The following SPAG17 variants were observed in gnomAD, a reference collection of about 807,000 sequenced individuals.
SPAG17 encodes sperm-associated antigen 17.
In SPAG17, 169 loss-of-function variants were observed where a neutral mutation model predicts 273.6. The observed-to-expected ratio is 0.62, with a 90% confidence interval of 0.55 to 0.70. SPAG17 has a LOEUF of 0.70. SPAG17 is among the 30% of genes least tolerant of loss of function. SPAG17 has a pLI of 0.00. For synonymous variants in SPAG17, 825 were observed against 873.2 expected, an observed-to-expected ratio of 0.94 and a Z score of 0.97; for missense variants, 2,557 against 2,627.8, an observed-to-expected ratio of 0.97 and a Z score of 0.59.
intron 1 of SPAG17, among the ~76,000 whole-genome samples, chr1:118,163,746 T>A (rs997127604): frequency 3.3e-5 from 5 of 151,312 alleles, no homozygotes; most frequent in African/African-American, 1.2e-4. Context: ...ATAGTCAAAC[T>A]CCCCCAAACA....
chr1:118,098,363 A>G (rs1250111264), intron 6 of SPAG17, among the ~76,000 whole-genome samples: 3 of 152,110 alleles, frequency 2.0e-5, no homozygotes, highest in Non-Finnish European at 4.4e-5. Context: ...TTGTACTTTT[A>G]CTGTAAAATA....
intron 3 of SPAG17, among the ~76,000 whole-genome samples, chr1:118,115,952 G>T (rs181516469): frequency 3.2e-4 from 49 of 152,216 alleles, no homozygotes; most frequent in African/African-American, 8.7e-4. Context: ...TGACACAAAG[G>T]CGCCATATGA....
intron 17 of SPAG17, among the ~76,000 whole-genome samples, chr1:118,070,716 C>A (rs1423364090): frequency 6.6e-6 from 1 of 152,048 alleles, no homozygotes; most frequent in East Asian, 1.9e-4. Flanking sequence ...TATATTTAAC[C>A]TGATAGATAA....
Position 117,994,606 on chromosome 1 carries a change from T to C in SPAG17, c.5054-76A>G, listed in dbSNP as rs188482973. The stretch of plus-strand genomic sequence containing the variant: ...AGAAAATGAAAACGCATTGACTAAA[T>C]TCAACAAGCTCTTTTTGAACAGACT... On this transcript the variant is annotated intron_variant, in intron 34 of 48. Coordinates refer to ENST00000336338, the MANE Select transcript of SPAG17 (RefSeq NM_206996.4). 9.6e-6 allele frequency: 14 copies of C among 1,459,210 alleles called. No homozygotes were observed. The Admixed American group carries it at 2.4e-4, about 25-fold the overall frequency. The allele number at this position is 1,459,210 out of a possible 1,614,324, so 90.4% of individuals were successfully genotyped here.
rs748532365 is a variant in SPAG17 at position 118,099,635 on chromosome 1, T to G, written c.800A>C (p.Gln267Pro). 12 of 1,614,102 alleles carry G rather than the reference T, an allele frequency of 7.4e-6. 1 individual carries two copies. The African/African-American group carries it at 8.0e-5, about 11-fold the overall frequency. ...TGACTGAAGAAGAACTTCCTGCTGC[T>G]GGTTAACTGCTGCCAGGTGTGTCTG... ...PLQTHLAAVN[Q>P]QQEVLLQSED... The change falls in exon 6 of 49, where the codon CAG becomes CCG. Residue 267 changes from glutamine (Q) to proline (P), a missense_variant. Coordinates refer to ENST00000336338, the MANE Select transcript of SPAG17 (RefSeq NM_206996.4).
At chr1:118,050,624 G>A (rs1327583083) in intron 20 of SPAG17, among the ~76,000 whole-genome samples, 1 of 152,180 alleles carries the variant, frequency 6.6e-6, no homozygotes, top group Non-Finnish European at 1.5e-5. Flanking sequence ...CAGCATAGAT[G>A]CCAAGAACAC....
intron 29 of SPAG17, among the ~76,000 whole-genome samples, chr1:118,013,145 G>A (rs528191486): frequency 6.6e-6 from 1 of 152,316 alleles, no homozygotes. Flanking sequence ...AGCTCAACCT[G>A]CAACTGCAGT....
chr1:117,979,566 T>C (rs1187338002), intron 43 of SPAG17, among the ~76,000 whole-genome samples: 1 of 152,160 alleles, frequency 6.6e-6, no homozygotes, highest in Non-Finnish European at 1.5e-5. Flanking sequence ...CGAGCTGTTA[T>C]CCTCACAGAG....
chr1:118,128,317 C>A (rs1454896037), intron 3 of SPAG17, among the ~76,000 whole-genome samples: 2 of 152,018 alleles, frequency 1.3e-5, no homozygotes, highest in Non-Finnish European at 2.9e-5. Context: ...TTAGGTTTTT[C>A]TATGTATAAA....
intron 43 of SPAG17, among the ~76,000 whole-genome samples, chr1:117,976,602 G>C (rs921841432): frequency 1.3e-5 from 2 of 152,174 alleles, no homozygotes; most frequent in Non-Finnish European, 2.9e-5. Context: ...CTGCTGTGAG[G>C]ATGGCTTGCC....
At chr1:118,180,111 G>T (rs1013590825) in intron 1 of SPAG17, among the ~76,000 whole-genome samples, 1 of 151,940 alleles carries the variant, frequency 6.6e-6, no homozygotes, top group Non-Finnish European at 1.5e-5. Context: ...CAAAATAAAT[G>T]ATATCAATGT....
At position 118,135,629 on chromosome 1, in the gene SPAG17, A is replaced by C. The variant is rs1223708844; in HGVS notation, c.315+14914T>G. Among the ~76,000 whole-genome samples, 3 of 152,232 alleles carry C rather than the reference A, an allele frequency of 2.0e-5. No individual in the cohort carries two copies. The East Asian group carries it at 5.8e-4, about 29-fold the overall frequency. On this transcript the variant is annotated intron_variant, in intron 3 of 48. Coordinates refer to ENST00000336338, the MANE Select transcript of SPAG17 (RefSeq NM_206996.4). ...ACTTGGTTTACTGTTGTATTTGACA[A>C]GTTTGTGAAAAGTGGTCAGTATTCT...
intron 29 of SPAG17, among the ~76,000 whole-genome samples, chr1:118,014,707 A>T (rs1283960738): frequency 6.6e-6 from 1 of 152,200 alleles, no homozygotes. Flanking sequence ...AAGGGTAGGA[A>T]GTTCACACAC....
chr1:118,110,544 A>C (rs1044937431), intron 4 of SPAG17, among the ~76,000 whole-genome samples: 3 of 152,164 alleles, frequency 2.0e-5, no homozygotes, highest in Admixed American at 2.0e-4. Context: ...TCCAGTTTTA[A>C]GAGATTCCCC....
At chr1:117,968,326 C>T (rs1654134648) in intron 46 of SPAG17, among the ~76,000 whole-genome samples, 1 of 152,222 alleles carries the variant, frequency 6.6e-6, no homozygotes, top group Non-Finnish European at 1.5e-5. Flanking sequence ...GTTGATCCAA[C>T]AGCCATTTTG....
intron 28 of SPAG17, among the ~76,000 whole-genome samples, chr1:118,017,906 G>A (rs925966301): frequency 5.3e-5 from 8 of 152,050 alleles, no homozygotes; most frequent in Non-Finnish European, 7.4e-5. Context: ...AAACAAGCAG[G>A]GTTGGAGTTC....
intron 1 of SPAG17, among the ~76,000 whole-genome samples, chr1:118,153,855 GAAAAAGA>G (rs1419585141): frequency 2.7e-5 from 4 of 150,240 alleles, no homozygotes; most frequent in Admixed American, 6.6e-5. Context: ...AAAGAAAAAA[GAAAAAGA>G]AAAAAGAAAA....
At chr1:118,109,506 G>A (rs889441510) in intron 4 of SPAG17, among the ~76,000 whole-genome samples, 1 of 150,668 alleles carries the variant, frequency 6.6e-6, no homozygotes, top group Admixed American at 6.6e-5. Flanking sequence ...AGTGAGCCGA[G>A]ATCGTGCCAC....
intron 30 of SPAG17, among the ~76,000 whole-genome samples, chr1:118,008,612 T>C (rs543678328): frequency 1.3e-5 from 2 of 152,316 alleles, no homozygotes; most frequent in Admixed American, 1.3e-4. Context: ...TCTGGGCTTA[T>C]TTCTATCTTG....
Sources: allele counts gnomAD v4.1 joint callset (sites outside exome capture counted in the v4.1 genomes callset), GRCh38; gene constraint gnomAD v4.1.1; transcripts MANE v1.5; gene names NCBI Gene and HGNC (gene_info 2026-07-23, HGNC 2026-07-21).